Variants in BRCA2 observed in about 807,000 individuals in gnomAD.
BRCA2 encodes BRCA2 DNA repair associated, also known as breast cancer type 2 susceptibility protein.
Under a neutral mutation model 276.7 loss-of-function variants are expected in BRCA2, and 203 were observed. The observed-to-expected ratio is 0.73, with a 90% CI of 0.65 to 0.82. The LOEUF is 0.82. Among genes scored for constraint, BRCA2 ranks in the 40% least tolerant of loss-of-function variants. The pLI is 0.00. For synonymous variants in BRCA2, 1,289 were observed against 1,338.4 expected (o/e 0.96, Z 0.81); for missense variants, 3,920 against 3,915.0 (o/e 1.00, Z -0.03).
Position 32,332,383 on chromosome 13 carries a change from C to A in BRCA2, c.905C>A (p.Thr302Asn), listed in dbSNP as rs80359158. The change falls in exon 10 of 27, where the codon ACC becomes AAC. Residue 302 changes from threonine (T) to asparagine (N), a missense_variant. Transcript: ENST00000380152. ...GAAGTATATGAAACAGTTGTAGATA[C>A]CTCTGAAGAAGATAGTTTTTCATTA... ...EDEVYETVVD[T>N]SEEDSFSLCF... 3 of 1,592,318 alleles carry A rather than the reference C, an allele frequency of 1.9e-6. No individual in the cohort carries two copies. Among genetic ancestry groups the A allele is most frequent in the African/African-American group, 2.7e-5 (2 of 73,708 alleles).
In BRCA2 at chr13:32,338,030, A is replaced by G. The variant is rs276174835; in HGVS notation, c.3675A>G (p.Thr1225=). 6.2e-6 allele frequency: 10 copies of G among 1,612,054 alleles called. No individual in the cohort carries two copies. Among genetic ancestry groups the G allele is most frequent in the East Asian group, 2.2e-5 (1 of 44,878 alleles). The part of the protein sequence containing the change: ...GFRGFYSAHG[T]KLNVSTEALQ... ...GGGGCTTTTATTCTGCTCATGGCACAAAACTGAATGTTTCTACTGAAGCTC... is the reference window on the plus strand; with the variant it reads ...GGGGCTTTTATTCTGCTCATGGCACGAAACTGAATGTTTCTACTGAAGCTC... Residue 1225 remains threonine (T), a synonymous_variant, in exon 11 of 27, where the codon ACA becomes ACG. Coordinates refer to ENST00000380152, the MANE Select transcript of BRCA2 (RefSeq NM_000059.4).
chr13:32,339,654 A>G lies in BRCA2; in HGVS notation c.5299A>G (p.Lys1767Glu), dbSNP rs1555284159. The change falls in exon 11 of 27, where the codon AAA (lysine) becomes GAA (glutamate). Residue 1767 changes from lysine (K) to glutamate (E), a missense_variant. Lys to Glu is a moderately conservative substitution (Grantham distance 56). Around this residue, in one of 2 missense-constraint regions of BRCA2, gnomAD observed 3,263 missense variants for 3,156.9 expected, o/e 1.03. Transcript: ENST00000380152. ...YNDSGYLSKN[K>E]LDSGIEPVLK... is the part of the protein sequence containing the mutation. Reference sequence around the variant, plus strand: ...TGATTCAGGATATCTCTCAAAAAATAAACTTGATTCTGGTATTGAGCCAGT... The same window carrying G: ...TGATTCAGGATATCTCTCAAAAAATGAACTTGATTCTGGTATTGAGCCAGT... 6.2e-7 allele frequency: 1 copy of G among 1,612,660 alleles called. No homozygotes were observed. Among genetic ancestry groups the G allele is most frequent in the East Asian group, 2.2e-5 (1 of 44,844 alleles).
chr13:32,331,743 G>A (rs1457521725), intron 9 of BRCA2, among the ~76,000 whole-genome samples: 2 of 151,398 alleles, frequency 1.3e-5, no homozygotes, highest in African/African-American at 4.9e-5. Flanking sequence ...AAGTAAATGT[G>A]GTTTAGATAT....
At chr13:32,378,598 G>A (rs1447197020) in intron 21 of BRCA2, among the ~76,000 whole-genome samples, 1 of 152,104 alleles carries the variant, frequency 6.6e-6, no homozygotes, top group Non-Finnish European at 1.5e-5. Flanking sequence ...GTAGAGATTA[G>A]GATATTAAGA....
At chr13:32,318,973 A>G (rs2138702941) in intron 2 of BRCA2, 104 bp from the exon 3 acceptor site, 1 of 1,440,964 alleles carries the variant, frequency 6.9e-7, no homozygotes, top group Non-Finnish European at 9.5e-7. Flanking sequence ...AGTAATCCAT[A>G]GTCAAGATCT....
intron 21 of BRCA2, among the ~76,000 whole-genome samples, chr13:32,377,779 G>T (rs951634652): frequency 6.6e-6 from 1 of 152,128 alleles, no homozygotes; most frequent in Non-Finnish European, 1.5e-5. Context: ...AGATTAGTTT[G>T]TTAGGGAGGA....
At chr13:32,356,682 A>C in intron 15 of BRCA2, 73 bp downstream of exon 15, 3 of 1,514,286 alleles carry the variant, frequency 2.0e-6, no homozygotes, top group Non-Finnish European at 2.7e-6. Context: ...AGTATCTACA[A>C]ATGGCTTTGT....
chr13:32,325,460 A>C (rs899615796), intron 4 of BRCA2, among the ~76,000 whole-genome samples: 3 of 152,154 alleles, frequency 2.0e-5, no homozygotes, highest in Admixed American at 6.5e-5. Flanking sequence ...GAAAAGCAGT[A>C]AGTCAGTCCT....
chr13:32,398,913 A>G lies in BRCA2; in HGVS notation c.*143A>G. On this transcript the variant is annotated 3_prime_UTR_variant, in exon 27 of 27. Transcript: ENST00000380152. ...TTCAAATTTACCTCAGCGTTTGTGT[A>G]TCGGGCAAAAATCGTTTTGCCCGAT... is the stretch of plus-strand genomic sequence containing the variant. The G allele has an allele frequency of 1.8e-6, 2 of 1,131,646 alleles. No individual in the cohort carries two copies. The highest frequency in any genetic ancestry group is 2.4e-6 in the Non-Finnish European group (2 of 826,466). The allele number at this position is 1,131,646 out of a possible 1,614,324, so 70.1% of individuals were successfully genotyped here.
intron 24 of BRCA2, among the ~76,000 whole-genome samples, chr13:32,388,033 G>A (rs1225723746): frequency 6.6e-6 from 1 of 151,870 alleles, no homozygotes. Flanking sequence ...TCTTTGTCTT[G>A]TGTCTTTATT....
intron 20 of BRCA2, among the ~76,000 whole-genome samples, chr13:32,373,610 C>G (rs1004618184): frequency 3.3e-5 from 5 of 152,214 alleles, no homozygotes; most frequent in African/African-American, 1.2e-4. Flanking sequence ...GACTCCATGT[C>G]TCACATCCAG....
Position 32,337,839 on chromosome 13 carries a change from G to A in BRCA2, c.3484G>A (p.Ala1162Thr), listed in dbSNP as rs878853570. The A allele has an allele frequency of 1.9e-6, 3 of 1,614,080 alleles. No homozygotes were observed. Among genetic ancestry groups the A allele is most frequent in the Non-Finnish European group, 1.7e-6 (2 of 1,179,974 alleles). The change falls in exon 11 of 27, where the codon GCT (alanine) becomes ACT (threonine). Residue 1162 changes from alanine to threonine, a missense_variant. Coordinates refer to ENST00000380152, the MANE Select transcript of BRCA2 (RefSeq NM_000059.4). ...LKTTSEECRD[A>T]DLHVIMNAPS... ...GACCACTTCTGAGGAATGCAGAGAT[G>A]CTGATCTTCATGTCATAATGAATGC...
At position 32,340,008 on chromosome 13, in the gene BRCA2, T is replaced by C. The variant is rs2137519559; in HGVS notation, c.5653T>C (p.Cys1885Arg). 6.2e-7 allele frequency: 1 copy of C among 1,612,980 alleles called. No homozygotes were observed. Among genetic ancestry groups the C allele is most frequent in the Non-Finnish European group, 8.5e-7 (1 of 1,179,672 alleles). Residue 1885 changes from cysteine to arginine, a missense_variant, in exon 11 of 27, where the codon TGC becomes CGC. Cys to Arg is a radical substitution (Grantham distance 180). Coordinates refer to ENST00000380152, the MANE Select transcript of BRCA2 (RefSeq NM_000059.4). ...AAACAACGAGAATAAATCAAAAATT[T>C]GCCAAACGAAAATTATGGCAGGTTG... is the stretch of plus-strand genomic sequence containing the variant. Reference protein sequence around the residue: ...KENNENKSKICQTKIMAGCYE... With the variant: ...KENNENKSKIRQTKIMAGCYE...
chr13:32,386,759 A>G lies in BRCA2; in HGVS notation c.9256+6614A>G, dbSNP rs73173006. Among the ~76,000 whole-genome samples the G allele has an allele frequency of 4.8e-3, 738 of 152,296 alleles. 4 individuals are homozygous for G. The highest frequency in any genetic ancestry group is 7.5e-3 in the Non-Finnish European group (507 of 68,026). On this transcript the variant is annotated intron_variant, in intron 24 of 26. Transcript: ENST00000380152. ...GGGCTGGATATTTGAGTTTCTATTC[A>G]TGATACAGTATGTATCCCTGGAAGA... is the stretch of plus-strand genomic sequence containing the variant.
At chr13:32,351,201 C>T (rs1222225328) in intron 13 of BRCA2, among the ~76,000 whole-genome samples, 1 of 152,216 alleles carries the variant, frequency 6.6e-6, no homozygotes, top group Non-Finnish European at 1.5e-5. Flanking sequence ...TTAGTGAGCA[C>T]TACCTTTATG....
chr13:32,378,137 C>T (rs1206734083), intron 21 of BRCA2, among the ~76,000 whole-genome samples: 2 of 152,166 alleles, frequency 1.3e-5, no homozygotes, highest in East Asian at 3.8e-4. Context: ...TATGAATCAT[C>T]ATGAAGATAG....
intron 18 of BRCA2, 64 bp from the exon 19 acceptor site, chr13:32,370,336 TGA>T: frequency 6.8e-7 from 1 of 1,470,724 alleles, no homozygotes; most frequent in Non-Finnish European, 9.5e-7. Flanking sequence ...AAAACTCTTA[TGA>T]TATCTGTAAT....
chr13:32,340,623 CAT>C lies in BRCA2; in HGVS notation c.6270_6271del (p.His2090GlnfsTer9), dbSNP rs80359571. ...LEEFDLIRTEHSLHYSPTSRQ... is the reference protein window; with the variant it reads ...LEEFDLIRTEXSLHYSPTSRQ... The stretch of plus-strand genomic sequence containing the variant: ...GGAATTTGATTTAATCAGAACTGAG[CAT>C]AGTCTTCACTATTCACCTACGTCTA... On this transcript the variant is annotated frameshift_variant, in exon 11 of 27. Coordinates refer to ENST00000380152, the MANE Select transcript of BRCA2 (RefSeq NM_000059.4). LOFTEE classifies it high-confidence loss of function. 3.7e-6 allele frequency: 6 copies of C among 1,607,186 alleles called. No homozygotes were observed. Among genetic ancestry groups the C allele is most frequent in the Non-Finnish European group, 5.1e-6 (6 of 1,177,512 alleles).
rs1048397396 is a variant in BRCA2, at chr13:32,380,159, T to G, written c.9256+14T>G. ...TGAAAAAAACAGGTAATGCACAATA[T>G]AGTTAATTTTTTTTATTGATTCTTT... is the stretch of plus-strand genomic sequence containing the variant. On this transcript the variant is annotated intron_variant, in intron 24 of 26. Coordinates refer to ENST00000380152, the MANE Select transcript of BRCA2 (RefSeq NM_000059.4). 1.9e-6 allele frequency: 3 copies of G among 1,596,180 alleles called. No homozygotes were observed. The African/African-American group carries it at 4.1e-5, about 22-fold the overall frequency.
Sources: allele counts gnomAD v4.1 joint callset (sites outside exome capture counted in the v4.1 genomes callset), GRCh38; gene constraint gnomAD v4.1.1; regional missense constraint gnomAD v4.1.1; transcripts MANE v1.5; gene names NCBI Gene and HGNC (gene_info 2026-07-23, HGNC 2026-07-21).